The following SUN1 variants were observed in gnomAD, a reference collection of about 807,000 sequenced individuals.
The protein encoded by SUN1 is SUN domain-containing protein 1.
In SUN1, 61 loss-of-function variants were observed where a neutral mutation model predicts 103.2. The observed-to-expected ratio is 0.59, with a 90% CI of 0.48 to 0.73. The LOEUF (loss-of-function observed/expected upper bound fraction) is 0.73, where lower values mean the gene tolerates loss of function less well. Ranked by LOEUF, SUN1 falls within the 30% of genes least tolerant of loss-of-function variation. The probability of loss-of-function intolerance (pLI) is 0.00; values close to 1 mark genes in which losing one functional copy is unlikely to be tolerated. For missense variants in SUN1, 1,052 were observed against 1,034.6 expected (o/e 1.02, Z -0.23); for synonymous variants, 490 against 425.7 (o/e 1.15, Z -1.86).
At chr7:820,049 T>C (rs1166669851) in intron 1 of SUN1, among the ~76,000 whole-genome samples, 1 of 152,190 alleles carries the variant, frequency 6.6e-6, no homozygotes, top group African/African-American at 2.4e-5. Context: ...GATTTTTTAC[T>C]ATTTGGGACC....
intron 1 of SUN1, among the ~76,000 whole-genome samples, chr7:836,139 T>G (rs902354779): frequency 1.3e-5 from 2 of 151,992 alleles, no homozygotes; most frequent in South Asian, 2.1e-4. Context: ...GGGAAGTTGT[T>G]TTTTACCGTG....
chr7:856,271 A>T (rs558284008), intron 11 of SUN1, 87 bp from the exon 12 acceptor site: 1 of 1,383,770 alleles, frequency 7.2e-7, no homozygotes, highest in Non-Finnish European at 1.0e-6. Context: ...TATTCCAGAT[A>T]AATCAATGGA....
At chr7:827,503 T>G (rs1793491421), upstream of SUN1, among the ~76,000 whole-genome samples, 1 of 144,878 alleles carries the variant, frequency 6.9e-6, no homozygotes, top group South Asian at 2.2e-4. Flanking sequence ...GGGGTCACGC[T>G]CTGTCCCCCA....
chr7:833,826 CAG>C lies in SUN1; in HGVS notation c.77+1226_77+1227del, dbSNP rs1180717086. On this transcript the variant is annotated intron_variant, in intron 1 of 18. Transcript: ENST00000401592. The stretch of plus-strand genomic sequence containing the variant: ...TGAGAACAGAACGGGCAGGCCAGCT[CAG>C]GGGAGACTGCTGCTTCCTTCAGACC... Among the ~76,000 whole-genome samples, 12 of 151,528 alleles carry C rather than the reference CAG, an allele frequency of 7.9e-5. No individual in the cohort carries two copies. In the East Asian group the frequency reaches 2.3e-3, roughly 29 times the overall value.
At chr7:848,570 G>T (rs1190065242) in intron 5 of SUN1, 11 of 1,353,208 alleles carry the variant, frequency 8.1e-6, no homozygotes, top group East Asian at 4.6e-5. Context: ...TGAATCAAAA[G>T]ATTGTGAATC....
chr7:860,351 G>A lies in SUN1; in HGVS notation c.1748G>A (p.Ser583Asn). 1 of 1,614,158 alleles carries A rather than the reference G, an allele frequency of 6.2e-7. No homozygotes were observed. Residue 583 changes from serine (S) to asparagine (N), a missense_variant, in exon 14 of 19, where the codon AGC (serine) becomes AAC (asparagine). Ser to Asn is a conservative substitution (Grantham distance 46). Transcript: ENST00000401592. The stretch of plus-strand genomic sequence containing the variant: ...TCAGAAGCCGTGGTGTCTGCTGTGA[G>A]CGAGGCGGGGGCGTCTGGAATAACA... ...PTSEAVVSAV[S>N]EAGASGITEA...
intron 16 of SUN1, chr7:868,433 T>G (rs1585285115): frequency 3.5e-6 from 1 of 287,858 alleles, no homozygotes; most frequent in Non-Finnish European, 6.9e-6. Flanking sequence ...CGTGGCCGGG[T>G]TAGGTTAGAA....
chr7:872,878 G>A (rs1842700700), intron 18 of SUN1, among the ~76,000 whole-genome samples: 1 of 152,084 alleles, frequency 6.6e-6, no homozygotes, highest in Non-Finnish European at 1.5e-5. Flanking sequence ...CACGAGGTCA[G>A]GAGTTCGAGA....
chr7:866,879 T>C (rs1296337299), intron 16 of SUN1, among the ~76,000 whole-genome samples: 1 of 151,590 alleles, frequency 6.6e-6, no homozygotes, highest in African/African-American at 2.4e-5. Context: ...TTTAATACTT[T>C]ATACTATTGG....
intron 1 of SUN1, among the ~76,000 whole-genome samples, chr7:833,600 C>T (rs868614108): frequency 6.3e-4 from 96 of 152,106 alleles, no homozygotes; most frequent in African/African-American, 2.1e-3. Flanking sequence ...CGTGAGCCAC[C>T]GTGCCCGGTC....
In SUN1 at chr7:852,965, A is replaced by G. The variant is rs1823649625; in HGVS notation, c.1053+13A>G. ...GCAGCCTCTGCAGGTAAGAGGGTAG[A>G]AAGGCCTCTCAGCTGGCACTGCACA... On this transcript the variant is annotated intron_variant, in intron 9 of 18. Transcript: ENST00000401592. 6.8e-6 allele frequency: 11 copies of G among 1,607,348 alleles called. No homozygotes were observed. Among genetic ancestry groups the G allele is most frequent in the Non-Finnish European group, 9.3e-6 (11 of 1,177,452 alleles).
chr7:838,720 C>A (rs1806024703), intron 1 of SUN1, 78 bp from the exon 2 acceptor site: 2 of 1,370,352 alleles, frequency 1.5e-6, no homozygotes, highest in Admixed American at 2.8e-5. Flanking sequence ...ATTGCACTTT[C>A]AGTTTATGGT....
At chr7:865,791 G>A (rs1836017931) in intron 15 of SUN1, among the ~76,000 whole-genome samples, 161 bp from the exon 16 acceptor site, 1 of 152,176 alleles carries the variant, frequency 6.6e-6, no homozygotes, top group Admixed American at 6.5e-5. Context: ...TAACTGGGGG[G>A]AGAAGAGATC....
At chr7:869,984 G>A (rs142788472) in intron 17 of SUN1, among the ~76,000 whole-genome samples, 4,435 of 151,066 alleles carry the variant, frequency 0.029, 78 homozygotes, top group Non-Finnish European at 0.043. Flanking sequence ...ACCTGAGGTC[G>A]GGAGTTCGAG....
Position 843,465 on chromosome 7 carries a change from C to T in SUN1, c.603C>T (p.His201=), listed in dbSNP as rs1472549647. The T allele has an allele frequency of 1.2e-6, 2 of 1,614,092 alleles. No homozygotes were observed. Among genetic ancestry groups the T allele is most frequent in the Admixed American group, 1.7e-5 (1 of 60,032 alleles). Reference sequence around the variant, plus strand: ...AGCGCAAGGACGTGCTCACGGCGCACCCCGCGGCCCCCGGGCCCGTGTCGA... The same window carrying T: ...AGCGCAAGGACGTGCTCACGGCGCATCCCGCGGCCCCCGGGCCCGTGTCGA... ...LSERKDVLTA[H]PAAPGPVSRV... The change falls in exon 5 of 19, where the codon CAC becomes CAT. Residue 201 remains histidine (H), a synonymous_variant. Coordinates refer to ENST00000401592, the MANE Select transcript of SUN1 (RefSeq NM_001130965.3).
rs1214940924 is a variant in SUN1 at position 874,920 on chromosome 7, C to CT, written c.*1590dup. 2.0e-5 allele frequency: 3 copies of CT among 151,726 alleles called. No individual in the cohort carries two copies. The highest frequency in any genetic ancestry group is 7.3e-5 in the African/African-American group (3 of 41,256). The allele number at this position is 151,726 out of a possible 1,614,324, so 9.4% of individuals were successfully genotyped here. ...TAAAAGGGCATGGGATATAAACAGT[C>CT]TATTTCTTTTCTCAGTTTGTCTGTT... On this transcript the variant is annotated 3_prime_UTR_variant, in exon 19 of 19. Transcript: ENST00000401592.
chr7:832,592 A>G lies in SUN1; in HGVS notation c.68A>G (p.Tyr23Cys), dbSNP rs1373324916. ...GTGCCGGAGAACACGGGCTACACGT[A>G]TGCGCTCAGGTGAGTGTGCACCTGC... ...QCVPENTGYTYALSSSYSSDA... is the reference protein window; with the variant it reads ...QCVPENTGYTCALSSSYSSDA... Residue 23 changes from tyrosine to cysteine, a missense_variant, in exon 1 of 19, where the codon TAT becomes TGT. By Grantham distance (194) the Tyr-to-Cys change is radical. This residue lies in a region of SUN1 where 846 missense variants were observed against 774.5 expected (regional missense o/e 1.09). Transcript: ENST00000401592. The G allele has an allele frequency of 2.5e-6, 4 of 1,611,776 alleles. No homozygotes were observed. The highest frequency in any genetic ancestry group is 3.4e-6 in the Non-Finnish European group (4 of 1,178,924).
chr7:853,675 A>G (rs1382665611), intron 10 of SUN1, 57 bp downstream of exon 10: 2 of 1,560,590 alleles, frequency 1.3e-6, no homozygotes, highest in Non-Finnish European at 1.7e-6. Flanking sequence ...TCTGGGTGCC[A>G]TGTTCTCTCC....
chr7:858,180 G>A (rs186977341), intron 13 of SUN1, among the ~76,000 whole-genome samples: 13 of 152,152 alleles, frequency 8.5e-5, no homozygotes, highest in African/African-American at 1.4e-4. Context: ...TTAGCCTCCC[G>A]AGTAGCTGGG....
Sources: gnomAD v4.1 joint callset for allele counts (sites outside exome capture counted in the v4.1 genomes callset) on GRCh38, gnomAD v4.1.1 for gene constraint, gnomAD v4.1.1 regional missense constraint, MANE v1.5 for transcripts, NCBI Gene and HGNC (gene_info 2026-07-23, HGNC 2026-07-21) for gene names.